The following HDAC9 variants were observed in gnomAD, a reference collection of about 807,000 sequenced individuals.
HDAC9 encodes MEF-2 interacting transcription repressor (MITR) protein.
HDAC9 carries 41 observed loss-of-function variants against 139.4 expected under a neutral mutation model. The ratio of observed to expected loss-of-function variants is 0.29; its 90% CI spans 0.23 to 0.38. The LOEUF (loss-of-function observed/expected upper bound fraction) is 0.38, where lower values mean the gene tolerates loss of function less well. Ranked by LOEUF, HDAC9 falls within the 10% of genes least tolerant of loss-of-function variation. The probability of loss-of-function intolerance (pLI) is 1.00; values close to 1 mark genes in which losing one functional copy is unlikely to be tolerated. For missense variants in HDAC9, 1,147 were observed against 1,297.0 expected (o/e 0.88, Z 1.78); for synonymous variants, 517 against 476.2 (o/e 1.09, Z -1.12).
chr7:18,651,578 A>G (rs1584609353), intron 11 of HDAC9, among the ~76,000 whole-genome samples: 1 of 151,846 alleles, frequency 6.6e-6, no homozygotes, highest in African/African-American at 2.4e-5. Context: ...ACAAAGCTAT[A>G]TAGTTTTAGG....
chr7:18,819,455 T>C (rs1220055246), intron 17 of HDAC9, among the ~76,000 whole-genome samples: 1 of 152,212 alleles, frequency 6.6e-6, no homozygotes, highest in African/African-American at 2.4e-5. Flanking sequence ...AAAATGTGAA[T>C]TTCATCAGTT....
At chr7:18,400,014 G>A (rs142549390) in intron 1 of HDAC9, among the ~76,000 whole-genome samples, 11 of 152,278 alleles carry the variant, frequency 7.2e-5, no homozygotes, top group South Asian at 2.1e-4. Flanking sequence ...TGGCCTATTC[G>A]CATCAGAGCC....
At chr7:18,888,349 CG>C (rs1563024771) in intron 22 of HDAC9, among the ~76,000 whole-genome samples, 1 of 152,152 alleles carries the variant, frequency 6.6e-6, no homozygotes, top group African/African-American at 2.4e-5. Context: ...GGCGTGAACC[CG>C]GGAGGCGGAG....
intron 17 of HDAC9, among the ~76,000 whole-genome samples, chr7:18,794,089 G>A (rs1039672407): frequency 2.6e-5 from 4 of 152,156 alleles, no homozygotes; most frequent in African/African-American, 7.2e-5. Flanking sequence ...CCTGACAGAC[G>A]TTGACATTTT....
At chr7:18,681,225 A>C (rs1781866879) in intron 12 of HDAC9, among the ~76,000 whole-genome samples, 1 of 151,968 alleles carries the variant, frequency 6.6e-6, no homozygotes, top group Admixed American at 6.6e-5. Context: ...CAGTGAATTC[A>C]TTGTTGAAAA....
chr7:18,682,807 A>G (rs897504639), intron 12 of HDAC9, among the ~76,000 whole-genome samples: 2 of 147,222 alleles, frequency 1.4e-5, no homozygotes, highest in African/African-American at 5.4e-5. Context: ...ACGTGGTGAA[A>G]CCCTGTCTAA....
chr7:18,747,357 G>C (rs554077606), intron 13 of HDAC9, among the ~76,000 whole-genome samples: 42 of 152,296 alleles, frequency 2.8e-4, no homozygotes, highest in African/African-American at 9.9e-4. Context: ...CTTGGATTGT[G>C]TATGGTTTTG....
intron 22 of HDAC9, among the ~76,000 whole-genome samples, chr7:18,890,996 A>T (rs1800632496): frequency 6.6e-6 from 1 of 152,178 alleles, no homozygotes; most frequent in African/African-American, 2.4e-5. Flanking sequence ...AGTCTGTCTG[A>T]TCTGGGTTTC....
intron 6 of HDAC9, among the ~76,000 whole-genome samples, chr7:18,600,613 C>G (rs1833693998): frequency 6.6e-6 from 1 of 152,176 alleles, no homozygotes; most frequent in South Asian, 2.1e-4. Context: ...TCTGGGCTCT[C>G]TATTCTACTT....
chr7:18,959,384 C>A (rs1422461561), intron 24 of HDAC9, among the ~76,000 whole-genome samples: 1 of 152,034 alleles, frequency 6.6e-6, no homozygotes, highest in Non-Finnish European at 1.5e-5. Context: ...AAGAGTATTC[C>A]TTTTAAGTGT....
At chr7:18,202,943 T>C (rs1264816779) in intron 2 of HDAC9, among the ~76,000 whole-genome samples, 1 of 152,182 alleles carries the variant, frequency 6.6e-6, no homozygotes, top group Admixed American at 6.5e-5. Context: ...AATTAAGATA[T>C]CTACCTCGAA....
intron 2 of HDAC9, among the ~76,000 whole-genome samples, chr7:18,188,696 G>A (rs2159021): frequency 0.48 from 73,513 of 151,974 alleles, 18,847 homozygotes; most frequent in African/African-American, 0.65. Context: ...ATGAACAGAC[G>A]CTTCTCAAAA....
chr7:18,370,323 T>A (rs1313640236), intron 1 of HDAC9, among the ~76,000 whole-genome samples: 2 of 152,282 alleles, frequency 1.3e-5, no homozygotes, highest in Non-Finnish European at 2.9e-5. Context: ...AGGATTTTGA[T>A]GTTTTGCCAT....
intron 1 of HDAC9, among the ~76,000 whole-genome samples, chr7:18,393,453 A>G (rs1289403708): frequency 6.6e-6 from 1 of 152,114 alleles, no homozygotes; most frequent in Non-Finnish European, 1.5e-5. Context: ...TAAATCAGGC[A>G]TGCTTCTCCT....
chr7:18,828,095 G>T (rs573587781), intron 17 of HDAC9, among the ~76,000 whole-genome samples: 1 of 152,154 alleles, frequency 6.6e-6, no homozygotes, highest in African/African-American at 2.4e-5. Context: ...AACTCATTGT[G>T]TGTTAATGAC....
At chr7:18,426,008 G>A (rs1173468559) in intron 1 of HDAC9, among the ~76,000 whole-genome samples, 1 of 152,220 alleles carries the variant, frequency 6.6e-6, no homozygotes, top group Non-Finnish European at 1.5e-5. Flanking sequence ...CAGGCTCTCA[G>A]TGGGGAATAG....
chr7:18,825,923 T>A, intron 17 of HDAC9, among the ~76,000 whole-genome samples: 1 of 149,462 alleles, frequency 6.7e-6, no homozygotes, highest in East Asian at 1.9e-4. Flanking sequence ...ATATACATTT[T>A]TAATATCAGA....
At chr7:18,866,243 C>T (rs12700003) in intron 21 of HDAC9, among the ~76,000 whole-genome samples, 76,271 of 151,278 alleles carry the variant, frequency 0.5, 20,376 homozygotes, top group African/African-American at 0.69. Context: ...CACCTCAGAA[C>T]GGCCTTCTCT....
At chr7:18,201,508 A>C (rs1791125192) in intron 2 of HDAC9, among the ~76,000 whole-genome samples, 1 of 152,184 alleles carries the variant, frequency 6.6e-6, no homozygotes, top group African/African-American at 2.4e-5. Flanking sequence ...GAAGTGTGCA[A>C]CTGCAGGTTC....
Sources: allele counts gnomAD v4.1 joint callset (sites outside exome capture counted in the v4.1 genomes callset), GRCh38; gene constraint gnomAD v4.1.1; transcripts MANE v1.5; gene names NCBI Gene and HGNC (gene_info 2026-07-23, HGNC 2026-07-21).